STAM: variants seen among roughly 807,000 people sequenced by gnomAD.
STAM encodes signal transducing adapter molecule 1.
STAM carries 16 observed loss-of-function variants against 63.4 expected under a neutral mutation model. The ratio of observed to expected loss-of-function variants is 0.25; its 90% CI spans 0.17 to 0.38. The LOEUF (loss-of-function observed/expected upper bound fraction) is 0.38. STAM is among the 10% of genes least tolerant of loss of function. The pLI, the probability that STAM is intolerant of heterozygous loss-of-function variation, is 1.00. For missense variants in STAM, 636 were observed against 657.1 expected (o/e 0.97, Z 0.35); for synonymous variants, 238 against 223.9 (o/e 1.06, Z -0.56).
chr10:17,692,085 C>T lies in STAM; in HGVS notation c.445-1137C>T, dbSNP rs140382117. 1.6e-3 allele frequency among the ~76,000 whole-genome samples: 242 copies of T among 152,164 alleles called. 2 individuals carry two copies. The highest frequency in any genetic ancestry group is 5.4e-3 in the African/African-American group (225 of 41,514). ...ATACTTTAAATAGGCTGTGAGGTGC[C>T]CATGAGGTGTAGGTGCTATTATCGT... On this transcript the variant is annotated intron_variant, in intron 5 of 13. Coordinates refer to ENST00000377524, the MANE Select transcript of STAM (RefSeq NM_003473.4).
intron 2 of STAM, among the ~76,000 whole-genome samples, chr10:17,668,350 A>C (rs1309862229): frequency 6.6e-6 from 1 of 152,240 alleles, no homozygotes; most frequent in Non-Finnish European, 1.5e-5. Flanking sequence ...GATAGTACAG[A>C]GGTCAACTCC....
At chr10:17,704,579 T>C in intron 10 of STAM, 61 bp downstream of exon 10, 1 of 1,328,034 alleles carries the variant, frequency 7.5e-7, no homozygotes, top group Non-Finnish European at 1.1e-6. Flanking sequence ...ACTGGTGTCC[T>C]GTTAAAGAAT....
At chr10:17,689,350 A>G (rs1835434195) in intron 5 of STAM, among the ~76,000 whole-genome samples, 2 of 152,212 alleles carry the variant, frequency 1.3e-5, no homozygotes, top group African/African-American at 4.8e-5. Context: ...CATGTAGCTT[A>G]TCTACATTCA....
At chr10:17,661,996 G>T (rs1043531128) in intron 2 of STAM, among the ~76,000 whole-genome samples, 2 of 152,074 alleles carry the variant, frequency 1.3e-5, no homozygotes, top group Admixed American at 6.5e-5. Flanking sequence ...TACATATCGC[G>T]TTCCCTTTTC....
intron 11 of STAM, 81 bp downstream of exon 11, chr10:17,705,105 C>T: frequency 8.4e-7 from 1 of 1,192,072 alleles, no homozygotes; most frequent in Non-Finnish European, 1.2e-6. Flanking sequence ...CTATAACTGC[C>T]TTTTAAAAAA....
At chr10:17,698,148 G>A (rs10795505) in intron 8 of STAM, among the ~76,000 whole-genome samples, 18,363 of 152,114 alleles carry the variant, frequency 0.12, 1,240 homozygotes, top group East Asian at 0.26. Flanking sequence ...GTTATTGCCA[G>A]GGTGTCTGGT....
In STAM at chr10:17,693,288, AAAG is replaced by A. The variant is rs782448056; in HGVS notation, c.522_524del (p.Glu174del). On this transcript the variant is annotated inframe_deletion, in exon 6 of 14. Transcript: ENST00000377524. ...GGATCCTGGTACTGTGGCTAACAAA[AAAG>A]AAGAAGAAGATTTAGCAAAAGGTGC... 33 of 1,612,058 alleles carry A rather than the reference AAAG, an allele frequency of 2.0e-5. No individual in the cohort carries two copies. Among genetic ancestry groups the A allele is most frequent in the Non-Finnish European group, 2.5e-5 (30 of 1,179,734 alleles).
chr10:17,695,019 T>C, intron 6 of STAM, 30 bp from the exon 7 acceptor site: 1 of 1,602,648 alleles, frequency 6.2e-7, no homozygotes, highest in Non-Finnish European at 8.5e-7. Context: ...TAATAACATT[T>C]TGGGTCTTTA....
intron 6 of STAM, 144 bp downstream of exon 6, chr10:17,693,456 T>G: frequency 1.7e-6 from 1 of 597,248 alleles, no homozygotes; most frequent in East Asian, 2.9e-5. Flanking sequence ...GCTTTACTCT[T>G]GAGAGGCAAT....
intron 2 of STAM, among the ~76,000 whole-genome samples, chr10:17,666,209 A>G (rs1159601931): frequency 6.6e-6 from 1 of 152,304 alleles, no homozygotes; most frequent in African/African-American, 2.4e-5. Context: ...ATAGTTGACT[A>G]AAGGTGGAAA....
At chr10:17,691,290 G>A (rs191504333) in intron 5 of STAM, among the ~76,000 whole-genome samples, 1 of 152,244 alleles carries the variant, frequency 6.6e-6, no homozygotes, top group East Asian at 1.9e-4. Flanking sequence ...AGGCCGAGGC[G>A]GGTGGGTCAC....
At chr10:17,679,967 CCTTT>C (rs1453095111) in intron 2 of STAM, among the ~76,000 whole-genome samples, 2 of 151,526 alleles carry the variant, frequency 1.3e-5, no homozygotes, top group African/African-American at 2.4e-5. Flanking sequence ...AATTGAGTCA[CCTTT>C]CTTTCTTGGC....
chr10:17,661,018 T>A (rs1039074318), intron 2 of STAM, among the ~76,000 whole-genome samples: 1 of 152,226 alleles, frequency 6.6e-6, no homozygotes, highest in Non-Finnish European at 1.5e-5. Context: ...ATTTATGAGT[T>A]CTTTTCTCCT....
At chr10:17,678,364 C>G (rs1234264863) in intron 2 of STAM, among the ~76,000 whole-genome samples, 3 of 152,018 alleles carry the variant, frequency 2.0e-5, no homozygotes, top group African/African-American at 7.2e-5. Context: ...AAGCGATTCT[C>G]CTGCCTCAGC....
chr10:17,685,404 A>C (rs1835254388), intron 4 of STAM, among the ~76,000 whole-genome samples: 1 of 152,292 alleles, frequency 6.6e-6, no homozygotes, highest in African/African-American at 2.4e-5. Flanking sequence ...GAGTTGCCTC[A>C]AAAGTGGTGG....
intron 9 of STAM, among the ~76,000 whole-genome samples, chr10:17,701,648 A>C (rs1353789245): frequency 6.6e-6 from 1 of 152,156 alleles, no homozygotes; most frequent in Admixed American, 6.5e-5. Context: ...ATCTTTTCCG[A>C]TCCTCAGTTA....
rs989293613 is a variant in STAM at position 17,715,981 on chromosome 10, C to G, written c.*1201C>G. 1 of 152,482 alleles carries G rather than the reference C, an allele frequency of 6.6e-6. No individual in the cohort carries two copies. The highest frequency in any genetic ancestry group is 6.5e-5 in the Admixed American group (1 of 15,276). The allele number at this position is 152,482 out of a possible 1,614,324, so 9.4% of individuals were successfully genotyped here. The stretch of plus-strand genomic sequence containing the variant: ...TTTCACACTGGATTTTTGGGTTGCT[C>G]TTTCTGGCCTTTTAAAATTCTAATG... On this transcript the variant is annotated 3_prime_UTR_variant, in exon 14 of 14. Coordinates refer to ENST00000377524, the MANE Select transcript of STAM (RefSeq NM_003473.4).
intron 2 of STAM, among the ~76,000 whole-genome samples, chr10:17,679,039 T>C (rs1262680969): frequency 1.3e-5 from 2 of 152,230 alleles, no homozygotes; most frequent in Non-Finnish European, 2.9e-5. Context: ...CATTTGGCTG[T>C]TGTGAATACT....
intron 2 of STAM, among the ~76,000 whole-genome samples, chr10:17,671,362 C>T (rs1413450311): frequency 1.3e-5 from 2 of 152,192 alleles, no homozygotes; most frequent in African/African-American, 2.4e-5. Flanking sequence ...CTTTCAAGAA[C>T]TAACATTGTT....
Sources: allele counts gnomAD v4.1 joint callset (sites outside exome capture counted in the v4.1 genomes callset), GRCh38; gene constraint gnomAD v4.1.1; transcripts MANE v1.5; gene names NCBI Gene and HGNC (gene_info 2026-07-23, HGNC 2026-07-21).